The following BCL9 variants were observed in gnomAD, a reference collection of about 807,000 sequenced individuals.
BCL9 encodes the protein BCL9 transcription coactivator.
In BCL9, 25 loss-of-function variants were observed where a neutral mutation model predicts 88.5. The ratio of observed to expected loss-of-function variants is 0.28; its 90% CI spans 0.21 to 0.39. The LOEUF (loss-of-function observed/expected upper bound fraction) is 0.39. Ranked by LOEUF, BCL9 falls within the 10% of genes least tolerant of loss-of-function variation. The pLI is 1.00. For synonymous variants in BCL9, 711 were observed against 673.3 expected (o/e 1.06, Z -0.87); for missense variants, 1,817 against 1,877.8 (o/e 0.97, Z 0.60).
Position 147,619,435 on chromosome 1 carries a change from G to A in BCL9, c.1280G>A (p.Gly427Glu). 6.2e-7 allele frequency: 1 copy of A among 1,614,046 alleles called. No individual in the cohort carries two copies. Among genetic ancestry groups the A allele is most frequent in the East Asian group, 2.2e-5 (1 of 44,874 alleles). ...GGACCTGGGCCCCGGACAGACGTGG[G>A]AGCTCCATTTGGCCCTCAAGGACAT... ...GKGPGPRTDV[G>E]APFGPQGHRD... The change falls in exon 8 of 10, where the codon GGA becomes GAA. Residue 427 changes from glycine to glutamate, a missense_variant. Physicochemically the swap from Gly to Glu is moderately conservative, Grantham distance 98. This residue lies in a region of BCL9 where 1,228 missense variants were observed against 1,191.6 expected (regional missense o/e 1.03). Coordinates refer to ENST00000234739, the MANE Select transcript of BCL9 (RefSeq NM_004326.4). The surrounding 1 kb of genome is among the most constrained non-coding windows in gnomAD (Gnocchi z 4.1).
chr1:147,577,834 A>ATGTGTGTGTGTG lies in BCL9; in HGVS notation c.-477-26917_-477-26906dup, dbSNP rs67428703. Among the ~76,000 whole-genome samples, 627 of 141,130 alleles carry ATGTGTGTGTGTG rather than the reference A, an allele frequency of 4.4e-3. 5 individuals are homozygous for ATGTGTGTGTGTG. Among genetic ancestry groups the ATGTGTGTGTGTG allele is most frequent in the East Asian group, 0.026 (122 of 4,620 alleles). The allele number at this position is 141,130 out of a possible 152,430, so 92.6% of individuals were successfully genotyped here. ...CAGTGCTTCTAAAGTTTTTCTACCA[A>ATGTGTGTGTGTG]TGTGTGTGTGTGTGTGTGTGTGTGT... On this transcript the variant is annotated intron_variant, in intron 1 of 9. Transcript: ENST00000234739.
chr1:147,595,528 C>T (rs1553200362), intron 1 of BCL9, among the ~76,000 whole-genome samples: 3 of 151,972 alleles, frequency 2.0e-5, no homozygotes, highest in South Asian at 4.2e-4. Context: ...TAGAAACATC[C>T]GGAATTATTG....
At chr1:147,549,684 A>T (rs1654797993) in intron 1 of BCL9, among the ~76,000 whole-genome samples, 1 of 152,196 alleles carries the variant, frequency 6.6e-6, no homozygotes. Context: ...TGACTCACTC[A>T]GGTTTCCTCT....
In BCL9 at chr1:147,583,648, C is replaced by A. The variant is rs1656468413; in HGVS notation, c.-477-21129C>A. Among the ~76,000 whole-genome samples the A allele has an allele frequency of 4.0e-5, 6 of 151,772 alleles. No individual in the cohort carries two copies. In the South Asian group the frequency reaches 1.2e-3, roughly 32 times the overall value. On this transcript the variant is annotated intron_variant, in intron 1 of 9. Coordinates refer to ENST00000234739, the MANE Select transcript of BCL9 (RefSeq NM_004326.4). The stretch of plus-strand genomic sequence containing the variant: ...ATTTTACATTTGTATGTAATCAAGT[C>A]TATTCAATTTTTAAAAATTTTTGGC...
Position 147,545,829 on chromosome 1 carries a change from T to C in BCL9, c.-478+4155T>C, listed in dbSNP as rs186338238. On this transcript the variant is annotated intron_variant, in intron 1 of 9. Coordinates refer to ENST00000234739, the MANE Select transcript of BCL9 (RefSeq NM_004326.4). ...AAAATATCTGCTTAGTCCTCTATTA[T>C]AACAGCTCTGTGAATTAAACAGTAT... 2.2e-4 allele frequency among the ~76,000 whole-genome samples: 33 copies of C among 152,356 alleles called. No homozygotes were observed. In the East Asian group the frequency reaches 5.4e-3, roughly 25 times the overall value.
At chr1:147,599,835 G>A (rs1459298746) in intron 1 of BCL9, among the ~76,000 whole-genome samples, 1 of 151,726 alleles carries the variant, frequency 6.6e-6, no homozygotes, top group South Asian at 2.1e-4. Context: ...GAAGCTGGGG[G>A]CGGGAGGAGG....
Position 147,612,929 on chromosome 1 carries a change from A to T in BCL9, c.100A>T (p.Met34Leu). Reference protein sequence around the residue: ...QEVMVRPPTVMSPSGNPQLDS... With the variant: ...QEVMVRPPTVLSPSGNPQLDS... The stretch of plus-strand genomic sequence containing the variant: ...GGTGATGGTCCGTCCCCCTACAGTG[A>T]TGTCCCCATCTGGAAACCCCCAGCT... The change falls in exon 5 of 10, where the codon ATG (methionine) becomes TTG (leucine). Residue 34 changes from methionine (M) to leucine (L), a missense_variant. Met to Leu is a conservative substitution (Grantham distance 15). Around this residue, in one of 2 missense-constraint regions of BCL9, gnomAD observed 1,228 missense variants for 1,191.6 expected, o/e 1.03. Transcript: ENST00000234739. 2 of 1,613,990 alleles carry T rather than the reference A, an allele frequency of 1.2e-6. No homozygotes were observed. The highest frequency in any genetic ancestry group is 8.5e-7 in the Non-Finnish European group (1 of 1,179,946).
intron 1 of BCL9, among the ~76,000 whole-genome samples, chr1:147,570,273 G>A (rs1655819180): frequency 6.6e-6 from 1 of 152,184 alleles, no homozygotes; most frequent in African/African-American, 2.4e-5. Context: ...GATATTTAAT[G>A]AAAAGGTGGA....
intron 7 of BCL9, among the ~76,000 whole-genome samples, chr1:147,618,366 A>G (rs782147429): frequency 3.9e-5 from 6 of 152,218 alleles, no homozygotes; most frequent in Non-Finnish European, 8.8e-5. Context: ...TGGCAACATC[A>G]GGCCTTTTGA....
intron 1 of BCL9, among the ~76,000 whole-genome samples, chr1:147,562,328 T>G (rs1483986679): frequency 6.7e-6 from 1 of 150,238 alleles, no homozygotes; most frequent in African/African-American, 2.5e-5. Context: ...AAATTCCATC[T>G]CAAAAATAAA....
At chr1:147,566,832 GTGTT>G (rs1445915015) in intron 1 of BCL9, among the ~76,000 whole-genome samples, 18 of 152,178 alleles carry the variant, frequency 1.2e-4, no homozygotes, top group Non-Finnish European at 2.1e-4. Flanking sequence ...AGGATGAACT[GTGTT>G]TGTTTATGTT....
chr1:147,590,746 G>A lies in BCL9; in HGVS notation c.-477-14031G>A, dbSNP rs914790389. ...ATTGTAGAACCTTTCTTATAGAGTTGTTACATAATACATGCAAAGCCCTTA... is the reference window on the plus strand; with the variant it reads ...ATTGTAGAACCTTTCTTATAGAGTTATTACATAATACATGCAAAGCCCTTA... On this transcript the variant is annotated intron_variant, in intron 1 of 9. Coordinates refer to ENST00000234739, the MANE Select transcript of BCL9 (RefSeq NM_004326.4). Among the ~76,000 whole-genome samples the A allele has an allele frequency of 2.0e-5, 3 of 152,196 alleles. No individual in the cohort carries two copies. The South Asian group carries it at 6.2e-4, about 31-fold the overall frequency.
intron 1 of BCL9, among the ~76,000 whole-genome samples, chr1:147,557,619 C>A (rs1655175354): frequency 6.6e-6 from 1 of 151,820 alleles, no homozygotes; most frequent in African/African-American, 2.4e-5. Context: ...TCACGTTGAA[C>A]TAAAATATAC....
intron 1 of BCL9, among the ~76,000 whole-genome samples, chr1:147,544,315 T>C (rs1407588569): frequency 1.3e-5 from 2 of 152,156 alleles, no homozygotes; most frequent in African/African-American, 4.8e-5. Context: ...TGTGGCTGAG[T>C]TCCCCTTGCC....
intron 1 of BCL9, among the ~76,000 whole-genome samples, chr1:147,602,471 A>T (rs1203334901): frequency 6.6e-6 from 1 of 152,136 alleles, no homozygotes; most frequent in Non-Finnish European, 1.5e-5. Context: ...CCGCCTCCCA[A>T]AGTGTTGGGA....
At chr1:147,585,648 G>C (rs1038896840) in intron 1 of BCL9, among the ~76,000 whole-genome samples, 5 of 152,150 alleles carry the variant, frequency 3.3e-5, no homozygotes, top group African/African-American at 9.6e-5. Context: ...AGTTAGTACC[G>C]GTTAACTACA....
intron 1 of BCL9, among the ~76,000 whole-genome samples, chr1:147,593,686 T>C (rs1426866439): frequency 6.6e-6 from 1 of 152,214 alleles, no homozygotes; most frequent in Non-Finnish European, 1.5e-5. Flanking sequence ...TTCTTATTAA[T>C]GAATGAGCCC....
At chr1:147,600,544 G>A (rs1304607922) in intron 1 of BCL9, among the ~76,000 whole-genome samples, 2 of 151,908 alleles carry the variant, frequency 1.3e-5, no homozygotes, top group Middle Eastern at 3.4e-3. Flanking sequence ...GGGAGGTGGG[G>A]GTGCTTCACG....
chr1:147,569,779 G>C (rs782514569), intron 1 of BCL9, among the ~76,000 whole-genome samples: 12 of 152,186 alleles, frequency 7.9e-5, no homozygotes, highest in Non-Finnish European at 1.8e-4. Flanking sequence ...GATCAGGGCC[G>C]ATGGCAGTGA....
Sources: gnomAD v4.1 joint callset for allele counts (sites outside exome capture counted in the v4.1 genomes callset) on GRCh38, gnomAD v4.1.1 for gene constraint, gnomAD v4.1.1 regional missense constraint, Gnocchi (gnomAD v3.1) non-coding constraint, MANE v1.5 for transcripts, NCBI Gene and HGNC (gene_info 2026-07-23, HGNC 2026-07-21) for gene names.